Variants in PXDNL observed in about 807,000 individuals in gnomAD.
PXDNL encodes probable oxidoreductase PXDNL.
PXDNL carries 145 observed loss-of-function variants against 150.8 expected under a neutral mutation model. That is an observed-to-expected ratio of 0.96 (90% confidence interval 0.84 to 1.10). The LOEUF (loss-of-function observed/expected upper bound fraction) is 1.10. Among genes scored for constraint, PXDNL ranks in the 50% least tolerant of loss-of-function variants. The pLI, the probability that PXDNL is intolerant of heterozygous loss-of-function variation, is 0.00. For missense variants in PXDNL, 2,087 were observed against 1,873.9 expected, an observed-to-expected ratio of 1.11 and a Z score of -2.10; for synonymous variants, 757 against 725.7, an observed-to-expected ratio of 1.04 and a Z score of -0.69.
rs114234720 is a variant in PXDNL, at chr8:51,393,128, A to T, written c.3557+14939T>A. On this transcript the variant is annotated intron_variant, in intron 17 of 22. Transcript: ENST00000356297. Reference sequence around the variant, plus strand: ...AATGAAAAGGAAAGAATTGCTACCTATAGAAAGACAGGTTTCCACCTTTAC... The same window carrying T: ...AATGAAAAGGAAAGAATTGCTACCTTTAGAAAGACAGGTTTCCACCTTTAC... 2.1e-3 allele frequency among the ~76,000 whole-genome samples: 323 copies of T among 152,322 alleles called. 1 individual carries two copies. The highest frequency in any genetic ancestry group is 7.4e-3 in the African/African-American group (307 of 41,576).
chr8:51,629,453 T>C (rs1321864817), intron 2 of PXDNL, among the ~76,000 whole-genome samples: 1 of 151,546 alleles, frequency 6.6e-6, no homozygotes, highest in Non-Finnish European at 1.5e-5. Context: ...AACATACACA[T>C]AAATGAGAAA....
rs184807130 is a variant in PXDNL at position 51,512,053 on chromosome 8, C to T, written c.381-12283G>A. Among the ~76,000 whole-genome samples the T allele has an allele frequency of 3.9e-5, 6 of 152,242 alleles. No individual in the cohort carries two copies. The East Asian group carries it at 5.8e-4, about 15-fold the overall frequency. On this transcript the variant is annotated intron_variant, in intron 4 of 22. Transcript: ENST00000356297. ...TGGCACTGTGGCCGTGAACAATGCTCGACAGATCAGACCGCTCCCTCTGAA... is the reference window on the plus strand; with the variant it reads ...TGGCACTGTGGCCGTGAACAATGCTTGACAGATCAGACCGCTCCCTCTGAA...
chr8:51,764,111 T>C (rs1248040198), intron 1 of PXDNL, among the ~76,000 whole-genome samples: 1 of 152,324 alleles, frequency 6.6e-6, no homozygotes, highest in Non-Finnish European at 1.5e-5. Context: ...TATTGCCTTA[T>C]AATCCCTTTT....
chr8:51,607,860 G>GGAAGGAAGGAAGGAAGGAAGGAAA (rs1563481432), intron 2 of PXDNL, among the ~76,000 whole-genome samples: 1 of 104,492 alleles, frequency 9.6e-6, no homozygotes, highest in Non-Finnish European at 1.8e-5. Flanking sequence ...AAGAGAGGAA[G>GGAAGGAAGGAAGGAAGGAAGGAAA]GAAGGAAGGA....
chr8:51,712,435 T>C (rs1816520803), intron 1 of PXDNL, among the ~76,000 whole-genome samples: 1 of 152,246 alleles, frequency 6.6e-6, no homozygotes, highest in African/African-American at 2.4e-5. Context: ...GTTTATTTAT[T>C]GTGTTTCTAA....
At chr8:51,410,407 G>A (rs1808592796) in intron 16 of PXDNL, among the ~76,000 whole-genome samples, 1 of 152,218 alleles carries the variant, frequency 6.6e-6, no homozygotes, top group Non-Finnish European at 1.5e-5. Flanking sequence ...GCTGGATCCT[G>A]AGATATCTTA....
chr8:51,725,293 A>G (rs1357942992), intron 1 of PXDNL, among the ~76,000 whole-genome samples: 1 of 152,198 alleles, frequency 6.6e-6, no homozygotes, highest in East Asian at 1.9e-4. Flanking sequence ...CATTTGCCAC[A>G]GTGGGTGGGC....
chr8:51,387,709 G>A (rs1055914353), intron 17 of PXDNL, among the ~76,000 whole-genome samples: 10 of 152,090 alleles, frequency 6.6e-5, no homozygotes, highest in African/African-American at 2.4e-4. Flanking sequence ...GTAAAAAGAT[G>A]TTTCTATTTC....
chr8:51,543,221 T>C (rs73586758), intron 4 of PXDNL, among the ~76,000 whole-genome samples: 5,102 of 152,248 alleles, frequency 0.034, 283 homozygotes, highest in African/African-American at 0.12. Context: ...CTCAGGTCTG[T>C]TTGATTTCCA....
chr8:51,562,784 C>A (rs1812743969), intron 3 of PXDNL, among the ~76,000 whole-genome samples: 1 of 151,894 alleles, frequency 6.6e-6, no homozygotes, highest in South Asian at 2.1e-4. Flanking sequence ...TACCATGGGA[C>A]CATAGAGGTG....
chr8:51,684,923 G>A (rs1815839909), intron 1 of PXDNL, among the ~76,000 whole-genome samples: 1 of 152,148 alleles, frequency 6.6e-6, no homozygotes, highest in Admixed American at 6.5e-5. Flanking sequence ...CCTCAGATGA[G>A]ACAGCAGTCC....
chr8:51,348,218 T>A (rs1040292361), intron 19 of PXDNL, among the ~76,000 whole-genome samples: 7 of 152,232 alleles, frequency 4.6e-5, no homozygotes, highest in Admixed American at 2.0e-4. Flanking sequence ...GCTCTGCAGA[T>A]AAACTCTCAT....
chr8:51,535,720 AAT>A (rs1812057224), intron 4 of PXDNL, among the ~76,000 whole-genome samples: 2 of 138,158 alleles, frequency 1.4e-5, no homozygotes, highest in African/African-American at 6.1e-5. Context: ...TCAATAAAAA[AAT>A]AAATAAATAA....
At chr8:51,696,284 C>A (rs1316096779) in intron 1 of PXDNL, among the ~76,000 whole-genome samples, 1 of 152,158 alleles carries the variant, frequency 6.6e-6, no homozygotes, top group Non-Finnish European at 1.5e-5. Context: ...ATGGTGGAGC[C>A]CTGATCCAAG....
chr8:51,617,826 A>C lies in PXDNL; in HGVS notation c.237-25128T>G, dbSNP rs1458033652. Reference sequence around the variant, plus strand: ...GAGCTACTTCTCCCACTGACAATGGAAAGGGAAGAGAAAGCCAAGAAAGAG... The same window carrying C: ...GAGCTACTTCTCCCACTGACAATGGCAAGGGAAGAGAAAGCCAAGAAAGAG... On this transcript the variant is annotated intron_variant, in intron 2 of 22. Transcript: ENST00000356297. 2.6e-5 allele frequency among the ~76,000 whole-genome samples: 4 copies of C among 152,270 alleles called. No individual in the cohort carries two copies. The South Asian group carries it at 8.3e-4, about 31-fold the overall frequency.
At chr8:51,415,480 A>T (rs888815569) in intron 14 of PXDNL, among the ~76,000 whole-genome samples, 1 of 152,136 alleles carries the variant, frequency 6.6e-6, no homozygotes, top group Non-Finnish European at 1.5e-5. Context: ...AAACAACCAG[A>T]TCTCATGAGA....
At chr8:51,424,835 A>G (rs1809049645) in intron 13 of PXDNL, among the ~76,000 whole-genome samples, 1 of 152,208 alleles carries the variant, frequency 6.6e-6, no homozygotes, top group South Asian at 2.1e-4. Context: ...GAGTGAAAAT[A>G]ACATTTCACA....
intron 1 of PXDNL, among the ~76,000 whole-genome samples, chr8:51,656,540 T>G (rs914248067): frequency 2.2e-4 from 33 of 152,116 alleles, no homozygotes; most frequent in African/African-American, 7.7e-4. Context: ...AATTAACAGT[T>G]ATAGAAAGGG....
At chr8:51,643,737 A>T (rs1343611946) in intron 2 of PXDNL, among the ~76,000 whole-genome samples, 1 of 152,226 alleles carries the variant, frequency 6.6e-6, no homozygotes, top group East Asian at 1.9e-4. Context: ...AAAAGAAACT[A>T]CCGTCAGAGT....
Sources: gnomAD v4.1 joint callset for allele counts (sites outside exome capture counted in the v4.1 genomes callset) on GRCh38, gnomAD v4.1.1 for gene constraint, MANE v1.5 for transcripts, NCBI Gene and HGNC (gene_info 2026-07-23, HGNC 2026-07-21) for gene names.